PABPC4L: variants seen among roughly 807,000 people sequenced by gnomAD.
PABPC4L encodes polyadenylate-binding protein 4-like.
For synonymous variants in PABPC4L, 169 were observed against 164.1 expected, an observed-to-expected ratio of 1.03 and a Z score of -0.23; for missense variants, 452 against 451.4, an observed-to-expected ratio of 1.00 and a Z score of -0.01.
chr4:134,117,696 A>G, the PABPC4L span, among the ~76,000 whole-genome samples: 1 of 151,802 alleles, frequency 6.6e-6, no homozygotes, highest in African/African-American at 2.4e-5. Context: ...GGTTTCTCTC[A>G]GTGTTTTTAC....
the PABPC4L span, among the ~76,000 whole-genome samples, chr4:134,054,250 A>ATG: frequency 9.3e-5 from 5 of 53,990 alleles, no homozygotes; most frequent in Non-Finnish European, 1.4e-4. Context: ...TTAGTTGTAT[A>ATG]TGTATATATA....
chr4:134,119,038 G>A, the PABPC4L span, among the ~76,000 whole-genome samples: 1 of 151,600 alleles, frequency 6.6e-6, no homozygotes, highest in African/African-American at 2.4e-5. Context: ...TCAATCATGA[G>A]TCTTAATATT....
the PABPC4L span, among the ~76,000 whole-genome samples, chr4:134,091,923 CTTTTACAGCAAAGTAATAA>C: frequency 6.6e-6 from 1 of 152,124 alleles, no homozygotes; most frequent in South Asian, 2.1e-4. Flanking sequence ...CCATTTAACA[CTTTTACAGCAAAGTAATAA>C]TGATCTGGCT....
chr4:133,959,009 C>T, the PABPC4L span, among the ~76,000 whole-genome samples: 1 of 152,202 alleles, frequency 6.6e-6, no homozygotes, highest in Non-Finnish European at 1.5e-5. Flanking sequence ...CTTCATCAAA[C>T]TTTGTGTAAA....
At chr4:134,056,097 C>T in the PABPC4L span, among the ~76,000 whole-genome samples, 2 of 151,820 alleles carry the variant, frequency 1.3e-5, no homozygotes, top group Admixed American at 6.6e-5. Flanking sequence ...AGTGCTTTTG[C>T]ACCTTTGTAA....
chr4:133,987,262 A>G, the PABPC4L span, among the ~76,000 whole-genome samples: 1 of 152,164 alleles, frequency 6.6e-6, no homozygotes, highest in Non-Finnish European at 1.5e-5. Context: ...TGTTATATAA[A>G]TGCTGAAGCA....
the PABPC4L span, among the ~76,000 whole-genome samples, chr4:133,992,844 A>C: frequency 6.6e-6 from 1 of 152,108 alleles, no homozygotes; most frequent in African/African-American, 2.4e-5. Flanking sequence ...TGTCTTTGTC[A>C]GCATCCCCCA....
At chr4:134,121,379 T>C in the PABPC4L span, among the ~76,000 whole-genome samples, 4,690 of 151,738 alleles carry the variant, frequency 0.031, 126 homozygotes, top group Admixed American at 0.082. Context: ...TATGATAAGT[T>C]ATAGCGATTC....
At chr4:134,115,921 A>G in the PABPC4L span, among the ~76,000 whole-genome samples, 11 of 151,782 alleles carry the variant, frequency 7.2e-5, no homozygotes, top group Non-Finnish European at 1.6e-4. Flanking sequence ...AATTAAGTAA[A>G]TATTATTTGT....
At chr4:134,148,520 G>C in the PABPC4L span, among the ~76,000 whole-genome samples, 1 of 151,950 alleles carries the variant, frequency 6.6e-6, no homozygotes, top group Non-Finnish European at 1.5e-5. Context: ...TCAGCAGTTC[G>C]GCTAGTCCAG....
At chr4:134,168,997 A>G in the PABPC4L span, among the ~76,000 whole-genome samples, 1 of 152,032 alleles carries the variant, frequency 6.6e-6, no homozygotes, top group Admixed American at 6.6e-5. Context: ...AGCAGCAACA[A>G]ACTGTTGTTG....
At chr4:133,980,924 G>A in the PABPC4L span, among the ~76,000 whole-genome samples, 1 of 152,178 alleles carries the variant, frequency 6.6e-6, no homozygotes, top group Non-Finnish European at 1.5e-5. Flanking sequence ...TTGGGAGGCC[G>A]AAGTGGGCAG....
chr4:133,955,325 A>G, the PABPC4L span, among the ~76,000 whole-genome samples: 1 of 152,246 alleles, frequency 6.6e-6, no homozygotes. Context: ...AATTATATGC[A>G]CTAAAGTCAA....
At chr4:134,176,637 G>A in the PABPC4L span, among the ~76,000 whole-genome samples, 171 of 152,198 alleles carry the variant, frequency 1.1e-3, no homozygotes, top group Non-Finnish European at 2.0e-3. Flanking sequence ...CCAACAGGCC[G>A]ATCATCTGAA....
the PABPC4L span, among the ~76,000 whole-genome samples, chr4:134,074,292 G>C: frequency 6.6e-6 from 1 of 152,128 alleles, no homozygotes; most frequent in African/African-American, 2.4e-5. Flanking sequence ...TATGAAGGGT[G>C]ATCTTTACTC....
the PABPC4L span, among the ~76,000 whole-genome samples, chr4:134,105,620 C>G: frequency 3.3e-5 from 5 of 151,486 alleles, no homozygotes; most frequent in Admixed American, 1.3e-4. Context: ...TACAGACATA[C>G]AAATCTTAAA....
chr4:133,994,424 A>G, the PABPC4L span, among the ~76,000 whole-genome samples: 1 of 152,098 alleles, frequency 6.6e-6, no homozygotes, highest in Non-Finnish European at 1.5e-5. Context: ...CCAAATATTA[A>G]TGGGCATAGG....
chr4:133,994,643 A>C, the PABPC4L span, among the ~76,000 whole-genome samples: 2 of 152,082 alleles, frequency 1.3e-5, no homozygotes, highest in Non-Finnish European at 2.9e-5. Flanking sequence ...CCAATTTTTA[A>C]GGTAATCATG....
chr4:134,161,875 G>A, the PABPC4L span, among the ~76,000 whole-genome samples: 1 of 152,102 alleles, frequency 6.6e-6, no homozygotes. Flanking sequence ...TGTTGAGACT[G>A]TACAAATATA....
Sources: allele counts gnomAD v4.1 joint callset (sites outside exome capture counted in the v4.1 genomes callset), GRCh38; gene constraint gnomAD v4.1.1; transcripts MANE v1.5; gene names NCBI Gene and HGNC (gene_info 2026-07-23, HGNC 2026-07-21).